The following PCDHGA9 variants were observed in gnomAD, a reference collection of about 807,000 sequenced individuals.
PCDHGA9 encodes the protein protocadherin gamma-A9.
Under a neutral mutation model 62.5 loss-of-function variants are expected in PCDHGA9, and 37 were observed. That is an observed-to-expected ratio of 0.59 (90% confidence interval 0.46 to 0.78). PCDHGA9 has a LOEUF of 0.78. Among genes scored for constraint, PCDHGA9 ranks in the 30% least tolerant of loss-of-function variants. The probability of loss-of-function intolerance (pLI) is 0.00; values close to 1 mark genes in which losing one functional copy is unlikely to be tolerated. For synonymous variants in PCDHGA9, 459 were observed against 484.6 expected, an observed-to-expected ratio of 0.95 and a Z score of 0.69; for missense variants, 1,138 against 1,166.2, an observed-to-expected ratio of 0.98 and a Z score of 0.35.
At chr5:141,414,316 G>T (rs2095734692) in intron 1 of PCDHGA9, 1 of 1,613,682 alleles carries the variant, frequency 6.2e-7, no homozygotes, top group Admixed American at 1.7e-5. Flanking sequence ...TTTAGACTCT[G>T]AGCAGAATGG....
intron 2 of PCDHGA9, among the ~76,000 whole-genome samples, chr5:141,500,705 T>A (rs1169100560): frequency 6.6e-6 from 1 of 152,220 alleles, no homozygotes; most frequent in Non-Finnish European, 1.5e-5. Context: ...TTGCAGTGTA[T>A]CATGAGAATT....
Position 141,415,396 on chromosome 5 carries a change from G to A in PCDHGA9, c.2424+10020G>A, listed in dbSNP as rs11575962. 4,865 of 1,614,204 alleles carry A rather than the reference G, an allele frequency of 3.0e-3. 27 individuals are homozygous for A. The highest frequency in any genetic ancestry group is 0.011 in the Admixed American group (656 of 60,024). ...AGGAGGCGGCTTGACAGGTGTGTCC[G>A]GCTCGCACTTTGTGGGCGTGGACGG... On this transcript the variant is annotated intron_variant, in intron 1 of 3. Coordinates refer to ENST00000573521, the MANE Select transcript of PCDHGA9 (RefSeq NM_018921.3).
chr5:141,495,276 G>A (rs1350329744), intron 2 of PCDHGA9, among the ~76,000 whole-genome samples: 1 of 152,190 alleles, frequency 6.6e-6, no homozygotes, highest in East Asian at 1.9e-4. Flanking sequence ...GACCGGAGGA[G>A]GCGGTCCGCA....
At chr5:141,409,590 A>G (rs755702950) in intron 1 of PCDHGA9, 1 of 1,613,898 alleles carries the variant, frequency 6.2e-7, no homozygotes, top group Non-Finnish European at 8.5e-7. Context: ...CACGTGGCCG[A>G]GAACAACCCG....
intron 1 of PCDHGA9, among the ~76,000 whole-genome samples, chr5:141,463,861 A>G (rs1308802167): frequency 1.3e-5 from 2 of 152,340 alleles, no homozygotes; most frequent in East Asian, 1.9e-4. Context: ...ATCTGGTTTC[A>G]CATGACTGAA....
chr5:141,497,689 A>G (rs951295378), intron 2 of PCDHGA9, among the ~76,000 whole-genome samples: 1 of 151,958 alleles, frequency 6.6e-6, no homozygotes, highest in African/African-American at 2.4e-5. Flanking sequence ...GCAGGTGTGC[A>G]CCACCACACC....
chr5:141,413,517 G>A (rs1561743187), intron 1 of PCDHGA9: 1 of 1,613,946 alleles, frequency 6.2e-7, no homozygotes. Flanking sequence ...ATATCCTTGT[G>A]GAAGACAGGG....
chr5:141,430,913 C>A (rs1485488693), intron 1 of PCDHGA9: 1 of 1,607,720 alleles, frequency 6.2e-7, no homozygotes, highest in East Asian at 2.2e-5. Context: ...CTCCAGGGAC[C>A]TGGGGCTGGA....
chr5:141,447,312 G>C (rs2098534178), intron 1 of PCDHGA9, among the ~76,000 whole-genome samples: 2 of 151,918 alleles, frequency 1.3e-5, no homozygotes, highest in African/African-American at 2.4e-5. Flanking sequence ...GCTAATTTTT[G>C]TATTTTTAGT....
At position 141,491,856 on chromosome 5, in the gene PCDHGA9, C is replaced by T; in HGVS notation, c.2425-2951C>T. 1.4e-6 allele frequency: 2 copies of T among 1,458,728 alleles called. No individual in the cohort carries two copies. Among genetic ancestry groups the T allele is most frequent in the Non-Finnish European group, 1.8e-6 (2 of 1,103,072 alleles). 90.4% of individuals were successfully genotyped at this position (1,458,728 alleles called of 1,614,324 possible). A position where few individuals can be genotyped will look rare whatever the true frequency, so the allele number is the denominator to read the frequency against. ...TCTCGGGATCATTGGACCGTTTGCG[C>T]GAAACCAGAGTGGCCGATTAAGGGA... On this transcript the variant is annotated intron_variant, in intron 1 of 3. Coordinates refer to ENST00000573521, the MANE Select transcript of PCDHGA9 (RefSeq NM_018921.3). The surrounding 1 kb of genome is among the most constrained non-coding windows in gnomAD (Gnocchi z 6.9).
chr5:141,477,814 G>C lies in PCDHGA9; in HGVS notation c.2425-16993G>C, dbSNP rs780195618. The C allele has an allele frequency of 1.2e-6, 2 of 1,614,110 alleles. No homozygotes were observed. The highest frequency in any genetic ancestry group is 1.1e-5 in the South Asian group (1 of 91,074). On this transcript the variant is annotated intron_variant, in intron 1 of 3. Coordinates refer to ENST00000573521, the MANE Select transcript of PCDHGA9 (RefSeq NM_018921.3). The surrounding 1 kb of genome is among the most constrained non-coding windows in gnomAD (Gnocchi z 4.9). ...CTGATCGCAATGACAATGCCCCCCA[G>C]GTCCTATATCCTCGGCCAGGTGGGA... is the stretch of plus-strand genomic sequence containing the variant.
At chr5:141,418,308 T>G in intron 1 of PCDHGA9, 6 of 1,613,946 alleles carry the variant, frequency 3.7e-6, no homozygotes, top group Non-Finnish European at 5.1e-6. Flanking sequence ...AGCCTGGGGA[T>G]GGGAACAATT....
chr5:141,487,421 C>G lies in PCDHGA9; in HGVS notation c.2425-7386C>G. On this transcript the variant is annotated intron_variant, in intron 1 of 3. Transcript: ENST00000573521. This position sits in a 1 kb window ranked among gnomAD's most constrained non-coding sequence, Gnocchi z 5.0. ...GGGGCTTCCCCCTTCCAATGGGATC[C>G]TCCGAATCCAGCTAGGGTCAGATGA... 1 of 1,614,144 alleles carries G rather than the reference C, an allele frequency of 6.2e-7. No individual in the cohort carries two copies. The highest frequency in any genetic ancestry group is 8.5e-7 in the Non-Finnish European group (1 of 1,180,022).
chr5:141,414,351 G>C (rs771256149), intron 1 of PCDHGA9: 2 of 1,613,676 alleles, frequency 1.2e-6, no homozygotes, highest in Non-Finnish European at 1.7e-6. Context: ...CCATTTTGGC[G>C]TATCTACCAT....
intron 1 of PCDHGA9, among the ~76,000 whole-genome samples, chr5:141,437,829 C>T (rs2097913718): frequency 6.6e-6 from 1 of 151,986 alleles, no homozygotes; most frequent in Admixed American, 6.6e-5. Flanking sequence ...CCTCTGCCTC[C>T]TGGGTTCATG....
intron 1 of PCDHGA9, chr5:141,411,907 G>A (rs2095522781): frequency 1.3e-5 from 2 of 152,156 alleles, no homozygotes; most frequent in Non-Finnish European, 2.9e-5. Flanking sequence ...TATTGCCTTT[G>A]CACTCAGTCT....
intron 1 of PCDHGA9, chr5:141,427,497 G>C (rs775492626): frequency 1.6e-5 from 9 of 568,020 alleles, no homozygotes; most frequent in African/African-American, 3.7e-5. Flanking sequence ...GCTTGTAACA[G>C]ATGGGACCCT....
chr5:141,504,380 C>T (rs943816582), intron 2 of PCDHGA9, among the ~76,000 whole-genome samples: 1 of 152,088 alleles, frequency 6.6e-6, no homozygotes, highest in African/African-American at 2.4e-5. Flanking sequence ...GGTGGAGTCG[C>T]TGCCTCACAG....
At chr5:141,465,466 C>T (rs1280373152) in intron 1 of PCDHGA9, among the ~76,000 whole-genome samples, 1 of 152,156 alleles carries the variant, frequency 6.6e-6, no homozygotes, top group African/African-American at 2.4e-5. Flanking sequence ...ACCAAATTGC[C>T]CTTGCTTCAT....
Sources: allele counts gnomAD v4.1 joint callset (sites outside exome capture counted in the v4.1 genomes callset), GRCh38; gene constraint gnomAD v4.1.1; non-coding constraint Gnocchi (gnomAD v3.1); transcripts MANE v1.5; gene names NCBI Gene and HGNC (gene_info 2026-07-23, HGNC 2026-07-21).